NIN: variants seen among roughly 807,000 people sequenced by gnomAD.
NIN encodes glycogen synthase kinase 3 beta-interacting protein.
NIN carries 137 observed loss-of-function variants against 257.6 expected under a neutral mutation model. The observed-to-expected ratio is 0.53, with a 90% CI of 0.46 to 0.61. The LOEUF is 0.61. Among genes scored for constraint, NIN ranks in the 20% least tolerant of loss-of-function variants. The pLI is 0.00. For synonymous variants in NIN, 918 were observed against 919.8 expected, an observed-to-expected ratio of 1.00 and a Z score of 0.04; for missense variants, 2,439 against 2,501.2, an observed-to-expected ratio of 0.98 and a Z score of 0.53.
chr14:50,806,720 G>C lies in NIN; in HGVS notation c.265+17C>G. 3 of 1,453,660 alleles carry C rather than the reference G, an allele frequency of 2.1e-6. No homozygotes were observed. Among genetic ancestry groups the C allele is most frequent in the Non-Finnish European group, 2.9e-6 (3 of 1,041,500 alleles). 90.0% of individuals were successfully genotyped at this position (1,453,660 alleles called of 1,614,324 possible). A position where few individuals can be genotyped will look rare whatever the true frequency, so the allele number is the denominator to read the frequency against. The stretch of plus-strand genomic sequence containing the variant: ...CTTTTAAAGGGGAAGGCAGAGAAGA[G>C]AAGTGAGTGACCTTACCTGGTTCTT... On this transcript the variant is annotated intron_variant, in intron 4 of 30. Coordinates refer to ENST00000530997, the MANE Select transcript of NIN (RefSeq NM_020921.4).
chr14:50,750,154 G>C (rs1302359322), intron 21 of NIN, among the ~76,000 whole-genome samples: 1 of 151,992 alleles, frequency 6.6e-6, no homozygotes, highest in Middle Eastern at 3.4e-3. Flanking sequence ...GGCCCCATCA[G>C]ATGTTCCAGG....
intron 28 of NIN, among the ~76,000 whole-genome samples, 193 bp downstream of exon 28, chr14:50,735,323 T>G (rs566400415): frequency 6.6e-6 from 1 of 152,216 alleles, no homozygotes; most frequent in Non-Finnish European, 1.5e-5. Flanking sequence ...AAAAGCAGTA[T>G]GGCTTCCTAT....
At chr14:50,737,206 CCTT>C (rs1259102331) in intron 27 of NIN, among the ~76,000 whole-genome samples, 4 of 152,132 alleles carry the variant, frequency 2.6e-5, no homozygotes, top group African/African-American at 9.7e-5. Context: ...TTTCATCACT[CCTT>C]CTGGGGGAAG....
In NIN at chr14:50,738,102, A is replaced by G. The variant is rs187277554; in HGVS notation, c.5775+38T>C. The G allele has an allele frequency of 8.2e-4, 1,316 of 1,605,774 alleles. 3 individuals are homozygous for G. The highest frequency in any genetic ancestry group is 6.5e-3 in the Middle Eastern group (39 of 6,026). ...ACACACTTAAGAACGCATTATAGTG[A>G]GAACACAGATGTACGCCATATATTC... On this transcript the variant is annotated intron_variant, in intron 27 of 30. Transcript: ENST00000530997.
intron 20 of NIN, among the ~76,000 whole-genome samples, chr14:50,754,167 T>C (rs574237907): frequency 2.0e-5 from 3 of 152,240 alleles, no homozygotes; most frequent in Non-Finnish European, 4.4e-5. Context: ...ATATGCTGAT[T>C]AGCTGGCATT....
At chr14:50,765,846 T>G (rs573421094) in intron 14 of NIN, among the ~76,000 whole-genome samples, 51 of 151,374 alleles carry the variant, frequency 3.4e-4, no homozygotes, top group African/African-American at 1.2e-3. Context: ...CATTTATGTT[T>G]TTTTTTTTTA....
chr14:50,814,854 C>T (rs1468915809), intron 3 of NIN, among the ~76,000 whole-genome samples: 1 of 152,180 alleles, frequency 6.6e-6, no homozygotes, highest in Non-Finnish European at 1.5e-5. Flanking sequence ...AAAATTGGAA[C>T]TGGACCCCTT....
At chr14:50,822,877 A>G (rs1001774766) in intron 2 of NIN, among the ~76,000 whole-genome samples, 1 of 152,190 alleles carries the variant, frequency 6.6e-6, no homozygotes, top group African/African-American at 2.4e-5. Flanking sequence ...GGAAGACACT[A>G]TTTCAACCTT....
At chr14:50,817,907 G>C (rs890495983) in intron 3 of NIN, among the ~76,000 whole-genome samples, 1 of 152,130 alleles carries the variant, frequency 6.6e-6, no homozygotes, top group Middle Eastern at 3.4e-3. Context: ...GCAGAGACAG[G>C]GTTTCACAGT....
intron 15 of NIN, among the ~76,000 whole-genome samples, chr14:50,762,985 G>A (rs982775436): frequency 5.9e-5 from 9 of 152,200 alleles, no homozygotes; most frequent in East Asian, 3.9e-4. Context: ...AACAGCTGCC[G>A]AGATATATCA....
At chr14:50,811,033 G>A (rs936292184) in intron 3 of NIN, among the ~76,000 whole-genome samples, 11 of 151,872 alleles carry the variant, frequency 7.2e-5, no homozygotes, top group Admixed American at 2.6e-4. Context: ...TTAATAGGCC[G>A]GGGTTGTCTG....
chr14:50,777,305 G>C (rs924720375), intron 6 of NIN, among the ~76,000 whole-genome samples, 166 bp from the exon 7 acceptor site: 13 of 152,320 alleles, frequency 8.5e-5, no homozygotes, highest in Middle Eastern at 3.4e-3. Flanking sequence ...CAGAATCAAT[G>C]GTTCTAAGGC....
intron 4 of NIN, among the ~76,000 whole-genome samples, chr14:50,798,507 A>T (rs974257947): frequency 6.6e-6 from 1 of 152,246 alleles, no homozygotes; most frequent in South Asian, 2.1e-4. Flanking sequence ...ATTGAAGATC[A>T]GTCAACAGGA....
At position 50,757,459 on chromosome 14, in the gene NIN, T is replaced by G; in HGVS notation, c.3571A>C (p.Thr1191Pro). 2 of 1,614,120 alleles carry G rather than the reference T, an allele frequency of 1.2e-6. No individual in the cohort carries two copies. The highest frequency in any genetic ancestry group is 1.7e-6 in the Non-Finnish European group (2 of 1,180,020). The change falls in exon 18 of 31, where the codon ACT becomes CCT. Residue 1191 changes from threonine (T) to proline (P), a missense_variant. This residue lies in a region of NIN where 2,043 missense variants were observed against 2,050.2 expected (regional missense o/e 1.00). Coordinates refer to ENST00000530997, the MANE Select transcript of NIN (RefSeq NM_020921.4). ...TGATTCTTCAGCTCCCAGGATTCAG[T>G]CCTGGTCTCTTCACTGTTTTCAAGC... ...SELENSEETR[T>P]ESWELKNQIS...
At chr14:50,756,379 G>T in intron 18 of NIN, 113 bp downstream of exon 18, 2 of 1,109,004 alleles carry the variant, frequency 1.8e-6, no homozygotes, top group Non-Finnish European at 1.3e-6. Flanking sequence ...AGAGAGTACT[G>T]CTCTCTTCGT....
chr14:50,821,823 G>C, intron 3 of NIN, 51 bp downstream of exon 3: 5 of 1,460,412 alleles, frequency 3.4e-6, no homozygotes, highest in Non-Finnish European at 4.7e-6. Flanking sequence ...CCAGCACCCC[G>C]GCAGAAACCG....
intron 28 of NIN, 127 bp from the exon 29 acceptor site, chr14:50,729,850 G>T: frequency 1.5e-6 from 1 of 654,096 alleles, no homozygotes; most frequent in Non-Finnish European, 2.5e-6. Context: ...CTGAAACTTG[G>T]AAACAGGACA....
intron 3 of NIN, among the ~76,000 whole-genome samples, chr14:50,816,542 T>C (rs1266442332): frequency 6.6e-6 from 1 of 152,124 alleles, no homozygotes; most frequent in Non-Finnish European, 1.5e-5. Context: ...TGTGCAGATA[T>C]GTATTCAAAT....
At chr14:50,734,076 TTTC>T (rs201019242) in intron 28 of NIN, among the ~76,000 whole-genome samples, 1 of 150,112 alleles carries the variant, frequency 6.7e-6, no homozygotes, top group Non-Finnish European at 1.5e-5. Flanking sequence ...ATTTCTTCTT[TTTC>T]TTCTTTATTT....
Sources: allele counts gnomAD v4.1 joint callset (sites outside exome capture counted in the v4.1 genomes callset), GRCh38; gene constraint gnomAD v4.1.1; regional missense constraint gnomAD v4.1.1; transcripts MANE v1.5; gene names NCBI Gene and HGNC (gene_info 2026-07-23, HGNC 2026-07-21).